PCDHGA9: variants seen among roughly 807,000 people sequenced by gnomAD.
PCDHGA9 encodes the protein protocadherin gamma subfamily A, 9, also known as protocadherin gamma-A9.
A neutral mutation model predicts 62.5 loss-of-function variants in PCDHGA9; 37 were observed. The ratio of observed to expected loss-of-function variants is 0.59; its 90% CI spans 0.46 to 0.78. The LOEUF is 0.78. PCDHGA9 is among the 30% of genes least tolerant of loss of function. The probability of loss-of-function intolerance (pLI) is 0.00; values close to 1 mark genes in which losing one functional copy is unlikely to be tolerated. For synonymous variants in PCDHGA9, 459 were observed against 484.6 expected (o/e 0.95, Z 0.69); for missense variants, 1,138 against 1,166.2 (o/e 0.98, Z 0.35).
chr5:141,487,661 C>A lies in PCDHGA9; in HGVS notation c.2425-7146C>A. ...ACAAATGCTTGAGGGTTATTCTGATCCAGGCATATGGCTAGGCCATGTCCT... is the reference window on the plus strand; with the variant it reads ...ACAAATGCTTGAGGGTTATTCTGATACAGGCATATGGCTAGGCCATGTCCT... On this transcript the variant is annotated intron_variant, in intron 1 of 3. Transcript: ENST00000573521. This position sits in a 1 kb window ranked among gnomAD's most constrained non-coding sequence, Gnocchi z 5.0. The A allele has an allele frequency of 6.2e-7, 1 of 1,613,366 alleles. No homozygotes were observed. Among genetic ancestry groups the A allele is most frequent in the Non-Finnish European group, 8.5e-7 (1 of 1,179,646 alleles).
At chr5:141,507,450 CAG>C (rs940460926) in intron 3 of PCDHGA9, among the ~76,000 whole-genome samples, 3 of 152,168 alleles carry the variant, frequency 2.0e-5, no homozygotes, top group African/African-American at 7.2e-5. Flanking sequence ...GACGGAAGGA[CAG>C]AGAGAGAGGT....
At chr5:141,475,145 C>T (rs1214674720) in intron 1 of PCDHGA9, among the ~76,000 whole-genome samples, 2 of 151,980 alleles carry the variant, frequency 1.3e-5, no homozygotes, top group Non-Finnish European at 1.5e-5. Flanking sequence ...AAATCTTCTC[C>T]GTCTTCTTCT....
chr5:141,469,677 T>C (rs1271778909), intron 1 of PCDHGA9, among the ~76,000 whole-genome samples: 1 of 152,246 alleles, frequency 6.6e-6, no homozygotes, highest in African/African-American at 2.4e-5. Context: ...TAAAACTACA[T>C]ATGCATTGGT....
Position 141,468,837 on chromosome 5 carries a change from G to A in PCDHGA9, c.2425-25970G>A, listed in dbSNP as rs550455857. ...GCCAAGATCAAGCCACTGCACTCCA[G>A]CCTGGGCAACAGAGCGAGACTCCAT... On this transcript the variant is annotated intron_variant, in intron 1 of 3. Transcript: ENST00000573521. 3.3e-5 allele frequency among the ~76,000 whole-genome samples: 5 copies of A among 152,228 alleles called. No homozygotes were observed. The East Asian group carries it at 9.7e-4, about 29-fold the overall frequency.
Position 141,450,631 on chromosome 5 carries a change from T to C in PCDHGA9, c.2425-44176T>C, listed in dbSNP as rs554043866. 6.1e-5 allele frequency among the ~76,000 whole-genome samples: 9 copies of C among 148,320 alleles called. No homozygotes were observed. In the East Asian group the frequency reaches 1.9e-3, roughly 31 times the overall value. Reference sequence around the variant, plus strand: ...CCTCCTGAGTAGCTGGGATTACAGATGCCTGCCACCATGCCTGGCTAATTT... The same window carrying C: ...CCTCCTGAGTAGCTGGGATTACAGACGCCTGCCACCATGCCTGGCTAATTT... On this transcript the variant is annotated intron_variant, in intron 1 of 3. Transcript: ENST00000573521.
chr5:141,478,856 T>G (rs1372487685), intron 1 of PCDHGA9: 2 of 1,353,224 alleles, frequency 1.5e-6, no homozygotes, highest in Non-Finnish European at 2.0e-6. Flanking sequence ...AAACACAAGA[T>G]CTCAGCGATC....
At chr5:141,437,011 T>C (rs2097858173) in intron 1 of PCDHGA9, among the ~76,000 whole-genome samples, 1 of 152,236 alleles carries the variant, frequency 6.6e-6, no homozygotes, top group Non-Finnish European at 1.5e-5. Flanking sequence ...GGATCTTAGA[T>C]AATTTCACCA....
rs1187424114 is a variant in PCDHGA9, at chr5:141,485,341, G to A, written c.2425-9466G>A. On this transcript the variant is annotated intron_variant, in intron 1 of 3. Transcript: ENST00000573521. The surrounding 1 kb of genome is among the most constrained non-coding windows in gnomAD (Gnocchi z 5.7). ...TCGCTCAAGATTTCCTGCTGGATAC[G>A]GACAGTCTGTCAGCTCGCAGGCTGC... 2 of 1,614,118 alleles carry A rather than the reference G, an allele frequency of 1.2e-6. No individual in the cohort carries two copies. The highest frequency in any genetic ancestry group is 1.7e-5 in the Admixed American group (1 of 60,018).
In PCDHGA9 at chr5:141,511,173, A is replaced by T. The variant is rs1384881403; in HGVS notation, c.2799A>T (p.Ter933TyrextTer31). ...AGTCGGGCAAGAAGGAGAAGAAGTA[A>T]CATGGAGGCCAGGCCAAGAGCCACA... ...KKKSGKKEKK[*>Y] Residue 933 changes from the stop codon to tyrosine, a stop_lost, in exon 4 of 4, where the codon TAA (stop) becomes TAT (tyrosine). Coordinates refer to ENST00000573521, the MANE Select transcript of PCDHGA9 (RefSeq NM_018921.3). 6.2e-7 allele frequency: 1 copy of T among 1,614,132 alleles called. No homozygotes were observed.
rs1390358900 is a variant in PCDHGA9 at position 141,404,579 on chromosome 5, A to G, written c.1627A>G (p.Ser543Gly). 1 of 1,614,002 alleles carries G rather than the reference A, an allele frequency of 6.2e-7. No homozygotes were observed. The highest frequency in any genetic ancestry group is 8.5e-7 in the Non-Finnish European group (1 of 1,179,868). ...AAGTGACAGTGGAAGCCCACCACTT[A>G]GCAGCAATGTGTCATTGAGACTGTT... ...TASDSGSPPL[S>G]SNVSLRLFVL... is the part of the protein sequence containing the mutation. The change falls in exon 1 of 4, where the codon AGC (serine) becomes GGC (glycine). Residue 543 changes from serine (S) to glycine (G), a missense_variant. Physicochemically the swap from Ser to Gly is moderately conservative, Grantham distance 56 (BLOSUM62 0). Transcript: ENST00000573521.
Position 141,491,611 on chromosome 5 carries a change from A to G in PCDHGA9, c.2425-3196A>G. The G allele has an allele frequency of 6.2e-7, 1 of 1,613,866 alleles. No individual in the cohort carries two copies. The highest frequency in any genetic ancestry group is 8.5e-7 in the Non-Finnish European group (1 of 1,180,018). Reference sequence around the variant, plus strand: ...GGACGGCAGTGACTTCACTTTTCTAAGACCCCTCAGCGTTCAGCAGCCCAC... The same window carrying G: ...GGACGGCAGTGACTTCACTTTTCTAGGACCCCTCAGCGTTCAGCAGCCCAC... On this transcript the variant is annotated intron_variant, in intron 1 of 3. Transcript: ENST00000573521. This position sits in a 1 kb window ranked among gnomAD's most constrained non-coding sequence, Gnocchi z 6.9.
At chr5:141,455,842 C>T (rs1224197325) in intron 1 of PCDHGA9, among the ~76,000 whole-genome samples, 1 of 150,876 alleles carries the variant, frequency 6.6e-6, no homozygotes, top group Non-Finnish European at 1.5e-5. Context: ...TGTCTATCTG[C>T]ATAAAATAAT....
chr5:141,497,413 T>C (rs572922456), intron 2 of PCDHGA9, among the ~76,000 whole-genome samples: 8 of 152,046 alleles, frequency 5.3e-5, no homozygotes, highest in Admixed American at 5.2e-4. Context: ...TCCCATTCCA[T>C]CAAATGAGAG....
chr5:141,422,723 G>A lies in PCDHGA9; in HGVS notation c.2424+17347G>A. The stretch of plus-strand genomic sequence containing the variant: ...TCTCTGACGGATGACACTGTCCAGG[G>A]GGTGCCTCTGTCCTCCTATGTCTCT... On this transcript the variant is annotated intron_variant, in intron 1 of 3. Coordinates refer to ENST00000573521, the MANE Select transcript of PCDHGA9 (RefSeq NM_018921.3). The A allele has an allele frequency of 1.2e-6, 2 of 1,605,958 alleles. No homozygotes were observed. The highest frequency in any genetic ancestry group is 1.7e-6 in the Non-Finnish European group (2 of 1,175,478).
At chr5:141,455,389 G>C (rs1190144149) in intron 1 of PCDHGA9, among the ~76,000 whole-genome samples, 1 of 152,114 alleles carries the variant, frequency 6.6e-6, no homozygotes, top group Non-Finnish European at 1.5e-5. Flanking sequence ...GAAGGAAGGA[G>C]CTCCCCCTTA....
Position 141,489,351 on chromosome 5 carries a change from G to A in PCDHGA9, c.2425-5456G>A, listed in dbSNP as rs2099685862. ...GGCAGCTTCGTTACTCAGTGGTGGAGGAGTCTGAGCCGGGGACGCTGGTGG... is the reference window on the plus strand; with the variant it reads ...GGCAGCTTCGTTACTCAGTGGTGGAAGAGTCTGAGCCGGGGACGCTGGTGG... On this transcript the variant is annotated intron_variant, in intron 1 of 3. Transcript: ENST00000573521. This position sits in a 1 kb window ranked among gnomAD's most constrained non-coding sequence, Gnocchi z 4.5. The A allele has an allele frequency of 6.2e-7, 1 of 1,612,202 alleles. No individual in the cohort carries two copies. The highest frequency in any genetic ancestry group is 1.3e-5 in the African/African-American group (1 of 75,006).
Position 141,490,330 on chromosome 5 carries a change from C to T in PCDHGA9, c.2425-4477C>T, listed in dbSNP as rs2099698666. ...GGCCAACCCTGTCCTAGAGAGCACA[C>T]CAGTGGGCACAGTAGTGGGGTTGTT... is the stretch of plus-strand genomic sequence containing the variant. On this transcript the variant is annotated intron_variant, in intron 1 of 3. Transcript: ENST00000573521. The surrounding 1 kb of genome is among the most constrained non-coding windows in gnomAD (Gnocchi z 5.4). 6.2e-7 allele frequency: 1 copy of T among 1,614,080 alleles called. No individual in the cohort carries two copies. Among genetic ancestry groups the T allele is most frequent in the Non-Finnish European group, 8.5e-7 (1 of 1,180,042 alleles).
chr5:141,460,924 A>ATATATG (rs1561985817), intron 1 of PCDHGA9, among the ~76,000 whole-genome samples: 1 of 150,496 alleles, frequency 6.6e-6, no homozygotes, highest in African/African-American at 2.4e-5. Flanking sequence ...ATATATATAT[A>ATATATG]TGTGTGTGTG....
intron 1 of PCDHGA9, among the ~76,000 whole-genome samples, chr5:141,465,219 C>A (rs1272266733): frequency 6.6e-6 from 1 of 152,004 alleles, no homozygotes; most frequent in Non-Finnish European, 1.5e-5. Context: ...TATTTTTCAA[C>A]ATGAGCTCCA....
Sources: allele counts gnomAD v4.1 joint callset (sites outside exome capture counted in the v4.1 genomes callset), GRCh38; gene constraint gnomAD v4.1.1; non-coding constraint Gnocchi (gnomAD v3.1); transcripts MANE v1.5; gene names NCBI Gene and HGNC (gene_info 2026-07-23, HGNC 2026-07-21).